Variants in GRIP2 observed in about 807,000 individuals in gnomAD.
GRIP2 encodes the protein glutamate receptor interacting protein 2, also known as glutamate receptor-interacting protein 2.
A neutral mutation model predicts 108.3 loss-of-function variants in GRIP2; 58 were observed. The observed-to-expected ratio is 0.54, with a 90% CI of 0.43 to 0.67. The LOEUF is 0.67. Among genes scored for constraint, GRIP2 ranks in the 30% least tolerant of loss-of-function variants. The pLI is 0.00. For synonymous variants in GRIP2, 586 were observed against 598.2 expected (o/e 0.98, Z 0.30); for missense variants, 1,278 against 1,430.6 (o/e 0.89, Z 1.72).
chr3:14,574,101 T>A, the GRIP2 span: 1 of 1,158,646 alleles, frequency 8.6e-7, no homozygotes, highest in Non-Finnish European at 1.3e-6. Context: ...CAGAATCGAG[T>A]CCATCGTTTC....
intron 17 of GRIP2, among the ~76,000 whole-genome samples, chr3:14,509,116 C>T (rs1266422138): frequency 6.6e-6 from 1 of 152,158 alleles, no homozygotes; most frequent in African/African-American, 2.4e-5. Context: ...GTCCCGGAAT[C>T]CCTCCCATCC....
the GRIP2 span, among the ~76,000 whole-genome samples, chr3:14,581,834 C>T: frequency 2.0e-5 from 3 of 152,244 alleles, no homozygotes; most frequent in African/African-American, 7.2e-5. Context: ...TGCCTGCCTG[C>T]TACTGCCTTC....
At chr3:14,550,521 C>T (rs1021253046) in intron 1 of GRIP2, among the ~76,000 whole-genome samples, 4 of 152,228 alleles carry the variant, frequency 2.6e-5, no homozygotes, top group African/African-American at 7.2e-5. Context: ...GCAGCGGCAC[C>T]GCTGGTGCCT....
chr3:14,564,616 G>T, the GRIP2 span, among the ~76,000 whole-genome samples: 1 of 152,222 alleles, frequency 6.6e-6, no homozygotes, highest in South Asian at 2.1e-4. Flanking sequence ...AGGGCTCCGT[G>T]CGTGGGACCT....
At chr3:14,513,903 A>C (rs28462294) in intron 12 of GRIP2, 93 bp from the exon 13 acceptor site, 798,465 of 1,439,430 alleles carry the variant, frequency 0.55, 224,809 homozygotes, top group East Asian at 0.77. Context: ...AACCTGGGTC[A>C]CACCTCCTGG....
intron 19 of GRIP2, among the ~76,000 whole-genome samples, chr3:14,506,229 C>G (rs1009173579): frequency 6.6e-6 from 1 of 152,216 alleles, no homozygotes. Context: ...GGCCTCGCCC[C>G]CCCTACCCAG....
chr3:14,551,369 G>A (rs1474629594), intron 1 of GRIP2, among the ~76,000 whole-genome samples: 1 of 152,252 alleles, frequency 6.6e-6, no homozygotes, highest in Non-Finnish European at 1.5e-5. Context: ...GCCAATGTGC[G>A]GTTGGGGCAT....
At chr3:14,577,623 C>T in the GRIP2 span, among the ~76,000 whole-genome samples, 1 of 152,190 alleles carries the variant, frequency 6.6e-6, no homozygotes, top group African/African-American at 2.4e-5. Context: ...ACAGCTTTAT[C>T]AAAATAAGAT....
upstream of GRIP2, among the ~76,000 whole-genome samples, chr3:14,556,444 C>T (rs1417357910): frequency 6.6e-6 from 1 of 152,196 alleles, no homozygotes; most frequent in South Asian, 2.1e-4. Flanking sequence ...CAGGGCACCC[C>T]GCCTGCTGGA....
the GRIP2 span, among the ~76,000 whole-genome samples, chr3:14,565,762 G>T: frequency 6.6e-6 from 1 of 152,198 alleles, no homozygotes; most frequent in Non-Finnish European, 1.5e-5. Context: ...CTTCACGCGG[G>T]CAGTCTGCAG....
At chr3:14,589,838 T>C in the GRIP2 span, among the ~76,000 whole-genome samples, 1 of 148,936 alleles carries the variant, frequency 6.7e-6, no homozygotes, top group Non-Finnish European at 1.5e-5. Flanking sequence ...TGGAGTGTAG[T>C]GGTATGACCA....
At position 14,493,352 on chromosome 3, in the gene GRIP2, G is replaced by A. The variant is rs561422681; in HGVS notation, c.*313C>T. The A allele has an allele frequency of 2.9e-4, 96 of 330,244 alleles. No individual in the cohort carries two copies. The highest frequency in any genetic ancestry group is 1.7e-3 in the African/African-American group (78 of 47,132). The allele number at this position is 330,244 out of a possible 1,614,324, so 20.5% of individuals were successfully genotyped here. The stretch of plus-strand genomic sequence containing the variant: ...TCCAAGGAGGCCCCACAGAGACCTG[G>A]GACAGCCCCCAGGCCTCTCTCCTCT... On this transcript the variant is annotated 3_prime_UTR_variant, in exon 24 of 24. Transcript: ENST00000621039.
At position 14,522,128 on chromosome 3, in the gene GRIP2, G is replaced by A. The variant is rs1016746091; in HGVS notation, c.567-341C>T. ...AGCGTCACCCCCAACTCCTGCCTCA[G>A]GGACAAAGGACAGCACCAGGGCCCA... is the stretch of plus-strand genomic sequence containing the variant. On this transcript the variant is annotated intron_variant, in intron 6 of 23. Coordinates refer to ENST00000621039, the MANE Select transcript of GRIP2 (RefSeq NM_001080423.4). This position sits in a 1 kb window ranked among gnomAD's most constrained non-coding sequence, Gnocchi z 4.3. 3 of 262,518 alleles carry A rather than the reference G, an allele frequency of 1.1e-5. No individual in the cohort carries two copies. The highest frequency in any genetic ancestry group is 1.4e-5 in the Non-Finnish European group (2 of 139,978). 16.3% of individuals were successfully genotyped at this position (262,518 alleles called of 1,614,324 possible). A position where few individuals can be genotyped will look rare whatever the true frequency, so the allele number is the denominator to read the frequency against.
chr3:14,570,794 T>G, the GRIP2 span, among the ~76,000 whole-genome samples: 7 of 152,342 alleles, frequency 4.6e-5, no homozygotes, highest in Admixed American at 3.9e-4. Flanking sequence ...TACCCAGTGG[T>G]GAGAAGCTGG....
the GRIP2 span, chr3:14,574,310 C>T: frequency 2.0e-6 from 2 of 997,678 alleles, no homozygotes; most frequent in African/African-American, 1.6e-5. Flanking sequence ...GCCCATACAG[C>T]CGCTTCTCCC....
chr3:14,562,479 G>A, the GRIP2 span, among the ~76,000 whole-genome samples: 22 of 152,308 alleles, frequency 1.4e-4, no homozygotes, highest in Non-Finnish European at 2.5e-4. Context: ...TCCTTTGGGG[G>A]TGGTTAAGAT....
chr3:14,599,127 G>A, the GRIP2 span, among the ~76,000 whole-genome samples: 1 of 152,042 alleles, frequency 6.6e-6, no homozygotes, highest in Non-Finnish European at 1.5e-5. Context: ...TGTTTCACAG[G>A]GTCTTTTTCT....
intron 21 of GRIP2, among the ~76,000 whole-genome samples, chr3:14,498,309 AATT>A (rs1693671751): frequency 6.6e-6 from 1 of 152,176 alleles, no homozygotes; most frequent in Middle Eastern, 3.4e-3. Flanking sequence ...CAAAAAATAC[AATT>A]ATTAGCCAGG....
chr3:14,504,281 C>T (rs1198104645), intron 20 of GRIP2, among the ~76,000 whole-genome samples: 2 of 151,454 alleles, frequency 1.3e-5, no homozygotes, highest in African/African-American at 2.4e-5. Context: ...GGTTACAAGG[C>T]ATGCTGTGAT....
Sources: allele counts gnomAD v4.1 joint callset (sites outside exome capture counted in the v4.1 genomes callset), GRCh38; gene constraint gnomAD v4.1.1; non-coding constraint Gnocchi (gnomAD v3.1); transcripts MANE v1.5; gene names NCBI Gene and HGNC (gene_info 2026-07-23, HGNC 2026-07-21).